Variants in SLIT1 observed in about 807,000 individuals in gnomAD.
The protein encoded by SLIT1 is slit homolog 1 protein.
A neutral mutation model predicts 186.1 loss-of-function variants in SLIT1; 66 were observed. The ratio of observed to expected loss-of-function variants is 0.35; its 90% CI spans 0.29 to 0.44. The LOEUF is 0.44. Ranked by LOEUF, SLIT1 falls within the 20% of genes least tolerant of loss-of-function variation. The probability of loss-of-function intolerance (pLI) is 1.00; values close to 1 mark genes in which losing one functional copy is unlikely to be tolerated. For missense variants in SLIT1, 1,638 were observed against 2,037.4 expected, an observed-to-expected ratio of 0.80 and a Z score of 3.77; for synonymous variants, 761 against 833.8, an observed-to-expected ratio of 0.91 and a Z score of 1.50.
intron 21 of SLIT1, among the ~76,000 whole-genome samples, chr10:97,039,786 G>C (rs970257527): frequency 5.9e-5 from 9 of 152,204 alleles, no homozygotes; most frequent in African/African-American, 2.2e-4. Flanking sequence ...TCAGGTGACC[G>C]CAGAGGGAGA....
chr10:97,120,372 C>T (rs1425364832), intron 4 of SLIT1, among the ~76,000 whole-genome samples: 2 of 152,170 alleles, frequency 1.3e-5, no homozygotes, highest in African/African-American at 2.4e-5. Context: ...TTTACATCTC[C>T]GGTGCCCTGT....
intron 1 of SLIT1, among the ~76,000 whole-genome samples, chr10:97,177,296 T>C (rs911824994): frequency 2.6e-5 from 4 of 152,186 alleles, no homozygotes; most frequent in Non-Finnish European, 4.4e-5. Context: ...AAAAGCCAAA[T>C]CCACAGCTTC....
rs527951133 is a variant in SLIT1, at chr10:97,122,157, A to G, written c.413+35661T>C. ...TTCTGAGAGGGAGGCTGCTACAGAGATAAGGATTCCAGCAACATGGAAGAT... is the reference window on the plus strand; with the variant it reads ...TTCTGAGAGGGAGGCTGCTACAGAGGTAAGGATTCCAGCAACATGGAAGAT... On this transcript the variant is annotated intron_variant, in intron 4 of 36. Coordinates refer to ENST00000266058, the MANE Select transcript of SLIT1 (RefSeq NM_003061.3). Among the ~76,000 whole-genome samples, 3 of 152,310 alleles carry G rather than the reference A, an allele frequency of 2.0e-5. No homozygotes were observed. In the South Asian group the frequency reaches 6.2e-4, roughly 32 times the overall value.
At chr10:97,130,891 C>T (rs527461653) in intron 4 of SLIT1, among the ~76,000 whole-genome samples, 4 of 152,270 alleles carry the variant, frequency 2.6e-5, no homozygotes, top group African/African-American at 9.6e-5. Context: ...ACATGTCTGT[C>T]CTCCTTTCTT....
At chr10:97,166,658 AAGAAAAG>A (rs1317089611) in intron 1 of SLIT1, among the ~76,000 whole-genome samples, 5 of 147,596 alleles carry the variant, frequency 3.4e-5, no homozygotes, top group South Asian at 2.1e-4. Flanking sequence ...AGGAAAAGAA[AAGAAAAG>A]AGAAAAGAAA....
intron 11 of SLIT1, chr10:97,057,761 TAC>T: frequency 4.2e-6 from 2 of 475,982 alleles, no homozygotes; most frequent in Non-Finnish European, 7.5e-6. Flanking sequence ...TTTTTTTTTA[TAC>T]TTTAGCATTT....
chr10:97,163,051 C>T (rs182375650), intron 3 of SLIT1, among the ~76,000 whole-genome samples: 21 of 152,316 alleles, frequency 1.4e-4, no homozygotes, highest in Admixed American at 9.8e-4. Flanking sequence ...CAATGGACAG[C>T]GGTTATGTCA....
Position 97,021,451 on chromosome 10 carries a change from C to T in SLIT1, c.2583-38G>A. 6.3e-7 allele frequency: 1 copy of T among 1,588,526 alleles called. No homozygotes were observed. The highest frequency in any genetic ancestry group is 8.6e-7 in the Non-Finnish European group (1 of 1,164,162). On this transcript the variant is annotated intron_variant, in intron 25 of 36. Coordinates refer to ENST00000266058, the MANE Select transcript of SLIT1 (RefSeq NM_003061.3). This position sits in a 1 kb window ranked among gnomAD's most constrained non-coding sequence, Gnocchi z 4.5. ...CAGAGAGAAGCAGGCATTACAGCTT[C>T]ATGGGGTCCCTCGCCCACTGGGAAC...
At chr10:97,059,950 G>A in intron 10 of SLIT1, 137 bp downstream of exon 10, 2 of 763,482 alleles carry the variant, frequency 2.6e-6, no homozygotes, top group Non-Finnish European at 2.4e-6. Flanking sequence ...CAGCCTGAAG[G>A]GCAGGAAGGT....
intron 8 of SLIT1, among the ~76,000 whole-genome samples, chr10:97,062,071 G>A (rs2817677): frequency 0.58 from 88,468 of 152,090 alleles, 28,201 homozygotes; most frequent in East Asian, 0.8. Context: ...CAAAGGAAAA[G>A]GTTTCATTTC....
chr10:97,033,860 A>ATTTTT (rs36010222), intron 23 of SLIT1, among the ~76,000 whole-genome samples: 2 of 125,318 alleles, frequency 1.6e-5, no homozygotes, highest in African/African-American at 3.1e-5. Flanking sequence ...GCACTGTTCT[A>ATTTTT]TTTTTTTTTT....
At chr10:97,160,685 T>A (rs1371348555) in intron 3 of SLIT1, among the ~76,000 whole-genome samples, 1 of 152,240 alleles carries the variant, frequency 6.6e-6, no homozygotes, top group Admixed American at 6.5e-5. Context: ...AAATGAAATG[T>A]CTAAGGTATG....
In SLIT1 at chr10:97,060,628, C is replaced by T. The variant is rs773480381; in HGVS notation, c.941+12G>A. 2 of 1,612,308 alleles carry T rather than the reference C, an allele frequency of 1.2e-6. No individual in the cohort carries two copies. The highest frequency in any genetic ancestry group is 1.1e-5 in the South Asian group (1 of 91,004). On this transcript the variant is annotated intron_variant, in intron 9 of 36. Coordinates refer to ENST00000266058, the MANE Select transcript of SLIT1 (RefSeq NM_003061.3). ...GGGCTGTGCCCCAGCATCTGCCCTG[C>T]CCCGTACTCACATCTCCGTCATGGT...
At chr10:97,073,576 TG>T (rs988309103) in intron 4 of SLIT1, among the ~76,000 whole-genome samples, 1 of 152,042 alleles carries the variant, frequency 6.6e-6, no homozygotes, top group Non-Finnish European at 1.5e-5. Context: ...AGGACAGCGC[TG>T]GGGAGATACA....
chr10:97,149,982 A>T (rs984643265), intron 4 of SLIT1, among the ~76,000 whole-genome samples: 1 of 152,184 alleles, frequency 6.6e-6, no homozygotes, highest in African/African-American at 2.4e-5. Context: ...TCTTCCCCAA[A>T]TTGTTTAACC....
Position 97,164,898 on chromosome 10 carries a change from A to G in SLIT1, c.198-8T>C, listed in dbSNP as rs1850083206. Reference sequence around the variant, plus strand: ...TTGTTGCCATTGAGTTCCCTGGAGGAAGAAGGAGAGAAGGAAGCAGTGGGG... The same window carrying G: ...TTGTTGCCATTGAGTTCCCTGGAGGGAGAAGGAGAGAAGGAAGCAGTGGGG... On this transcript the variant is annotated splice_region_variant and splice_polypyrimidine_tract_variant and intron_variant, in intron 1 of 36. Transcript: ENST00000266058. The G allele has an allele frequency of 1.2e-6, 2 of 1,611,258 alleles. No homozygotes were observed. The highest frequency in any genetic ancestry group is 2.2e-5 in the South Asian group (2 of 91,008).
In SLIT1 at chr10:97,043,497, G is replaced by T; in HGVS notation, c.1870C>A (p.Arg624Ser). ...CTGTCGTTGTGGATGCAGCTGATGC[G>T]GTTGTTCCGCAGCATTCTGGGGAGG... ...GLRTLMLRNNRISCIHNDSFT... is the reference protein window; with the variant it reads ...GLRTLMLRNNSISCIHNDSFT... The change falls in exon 19 of 37, where the codon CGC (arginine) becomes AGC (serine). Residue 624 changes from arginine (R) to serine (S), a missense_variant. Physicochemically the swap from Arg to Ser is moderately radical, Grantham distance 110 (BLOSUM62 -1). Around this residue, in one of 3 missense-constraint regions of SLIT1, gnomAD observed 1,245 missense variants for 1,535.3 expected, o/e 0.81. Transcript: ENST00000266058. The surrounding 1 kb of genome is among the most constrained non-coding windows in gnomAD (Gnocchi z 7.0). The T allele has an allele frequency of 6.2e-7, 1 of 1,613,652 alleles. No homozygotes were observed. The highest frequency in any genetic ancestry group is 8.5e-7 in the Non-Finnish European group (1 of 1,179,966).
chr10:97,134,286 T>A (rs991306381), intron 4 of SLIT1, among the ~76,000 whole-genome samples: 21 of 151,824 alleles, frequency 1.4e-4, no homozygotes, highest in African/African-American at 4.8e-4. Flanking sequence ...ACTGAGGAGG[T>A]CTTGGGGACG....
intron 4 of SLIT1, among the ~76,000 whole-genome samples, chr10:97,086,292 G>A (rs1463777335): frequency 2.0e-5 from 3 of 152,186 alleles, no homozygotes; most frequent in Non-Finnish European, 4.4e-5. Context: ...TGAGCTGGCC[G>A]GATGAGGTGG....
Sources: gnomAD v4.1 joint callset for allele counts (sites outside exome capture counted in the v4.1 genomes callset) on GRCh38, gnomAD v4.1.1 for gene constraint, gnomAD v4.1.1 regional missense constraint, Gnocchi (gnomAD v3.1) non-coding constraint, MANE v1.5 for transcripts, NCBI Gene and HGNC (gene_info 2026-07-23, HGNC 2026-07-21) for gene names.